SP3: variants seen among roughly 807,000 people sequenced by gnomAD.
SP3 encodes Sp3 transcription factor, also known as transcription factor Sp3.
In SP3, 10 loss-of-function variants were observed where a neutral mutation model predicts 70.3. The observed-to-expected ratio is 0.14, with a 90% CI of 0.09 to 0.24. The LOEUF (loss-of-function observed/expected upper bound fraction) is 0.24. Among genes scored for constraint, SP3 ranks in the 10% least tolerant of loss-of-function variants. The probability of loss-of-function intolerance (pLI) is 1.00; values close to 1 mark genes in which losing one functional copy is unlikely to be tolerated. For synonymous variants in SP3, 402 were observed against 333.5 expected, an observed-to-expected ratio of 1.21 and a Z score of -2.24; for missense variants, 825 against 914.6, an observed-to-expected ratio of 0.90 and a Z score of 1.26.
In SP3 at chr2:173,955,692, G is replaced by C. The variant is rs1345329269; in HGVS notation, c.820C>G (p.Leu274Val). Residue 274 changes from leucine to valine, a missense_variant, in exon 4 of 7, where the codon CTA (leucine) becomes GTA (valine). Around this residue, in one of 4 missense-constraint regions of SP3, gnomAD observed 678 missense variants for 651.6 expected, o/e 1.04. Transcript: ENST00000310015. ...CTGCCCGAGAGTCCCAAAGAATCTA[G>C]ATCGACACTATTGATTGGTACAAAC... ...ITFVPINSVD[L>V]DSLGLSGSSQ... The C allele has an allele frequency of 6.2e-7, 1 of 1,614,182 alleles. No individual in the cohort carries two copies. Among genetic ancestry groups the C allele is most frequent in the Non-Finnish European group, 8.5e-7 (1 of 1,180,022 alleles).
rs117185331 is a variant in SP3, at chr2:173,905,561, G to A, written c.*4380C>T. ...TAACATCAAAAACTGTATCTTAAAC[G>A]TATTTAATACAATGAAGTGGCATGA... On this transcript the variant is annotated 3_prime_UTR_variant, in exon 7 of 7. Transcript: ENST00000310015. Among the ~76,000 whole-genome samples the A allele has an allele frequency of 6.6e-3, 998 of 152,008 alleles. 17 individuals are homozygous for A. The highest frequency in any genetic ancestry group is 0.038 in the East Asian group (195 of 5,182).
In SP3 at chr2:173,955,178, G is replaced by C; in HGVS notation, c.1334C>G (p.Pro445Arg). ...CTGTGCCTGAATTAAAAAGGTTCCAGGATTCAGCTGCAACTGAAGATTTTG... is the reference window on the plus strand; with the variant it reads ...CTGTGCCTGAATTAAAAAGGTTCCACGATTCAGCTGCAACTGAAGATTTTG... Reference protein sequence around the residue: ...ALQNLQLQLNPGTFLIQAQTV... With the variant: ...ALQNLQLQLNRGTFLIQAQTV... Residue 445 changes from proline (P) to arginine (R), a missense_variant, in exon 4 of 7, where the codon CCT becomes CGT. This residue lies in a region of SP3 where 678 missense variants were observed against 651.6 expected (regional missense o/e 1.04). Coordinates refer to ENST00000310015, the MANE Select transcript of SP3 (RefSeq NM_003111.5). The C allele has an allele frequency of 6.2e-7, 1 of 1,614,168 alleles. No individual in the cohort carries two copies. The highest frequency in any genetic ancestry group is 8.5e-7 in the Non-Finnish European group (1 of 1,180,034).
intron 4 of SP3, among the ~76,000 whole-genome samples, chr2:173,932,487 G>A (rs377644364): frequency 4.5e-4 from 69 of 152,124 alleles, no homozygotes; most frequent in African/African-American, 1.5e-3. Flanking sequence ...CACCGTGCCT[G>A]GAACTGGCCT....
At chr2:173,933,638 T>TATATATATATATATA (rs71405167) in intron 4 of SP3, among the ~76,000 whole-genome samples, 8 of 86,556 alleles carry the variant, frequency 9.2e-5, no homozygotes, top group African/African-American at 3.3e-4. Flanking sequence ...TTATAAAACT[T>TATATATATATATATA]TATATATATA....
At chr2:173,934,237 A>G (rs1383836770) in intron 4 of SP3, among the ~76,000 whole-genome samples, 2 of 140,994 alleles carry the variant, frequency 1.4e-5, no homozygotes, top group Non-Finnish European at 3.1e-5. Context: ...ACTTGTCTCT[A>G]AAAAAAAAAA....
At chr2:173,946,818 C>T (rs1457323771) in intron 4 of SP3, among the ~76,000 whole-genome samples, 1 of 150,888 alleles carries the variant, frequency 6.6e-6, no homozygotes, top group Non-Finnish European at 1.5e-5. Context: ...ACCTGCCAGG[C>T]TCAAGCAATC....
At chr2:173,958,245 A>G (rs1185881929) in intron 3 of SP3, among the ~76,000 whole-genome samples, 1 of 151,200 alleles carries the variant, frequency 6.6e-6, no homozygotes, top group Non-Finnish European at 1.5e-5. Context: ...AAAAAAAACA[A>G]AGTCAAATTT....
intron 4 of SP3, among the ~76,000 whole-genome samples, chr2:173,926,820 T>C (rs113452348): frequency 0.01 from 1,581 of 152,274 alleles, 30 homozygotes; most frequent in African/African-American, 0.036. Flanking sequence ...CTAAAAAAAA[T>C]AGCCATGACA....
intron 3 of SP3, among the ~76,000 whole-genome samples, chr2:173,961,734 T>C (rs1212110546): frequency 1.3e-5 from 2 of 152,182 alleles, no homozygotes; most frequent in Non-Finnish European, 1.5e-5. Flanking sequence ...TAAAAGATTA[T>C]CTAAGCCCAT....
Position 173,902,227 on chromosome 2 carries a change from A to T in SP3, c.*7714T>A, listed in dbSNP as rs1689202220. Among the ~76,000 whole-genome samples, 1 of 152,172 alleles carries T rather than the reference A, an allele frequency of 6.6e-6. No homozygotes were observed. Among genetic ancestry groups the T allele is most frequent in the Non-Finnish European group, 1.5e-5 (1 of 68,024 alleles). Reference sequence around the variant, plus strand: ...TTTTCAGGTCCCTTTTAAATTTCTTACTTATACTTGCTTTTCTTCCAGATG... The same window carrying T: ...TTTTCAGGTCCCTTTTAAATTTCTTTCTTATACTTGCTTTTCTTCCAGATG... On this transcript the variant is annotated 3_prime_UTR_variant, in exon 7 of 7. Transcript: ENST00000310015.
At position 173,965,294 on chromosome 2, in the gene SP3, T is replaced by G. The variant is rs76624090; in HGVS notation, c.-123A>C. 1.8e-6 allele frequency: 2 copies of G among 1,133,532 alleles called. No individual in the cohort carries two copies. Among genetic ancestry groups the G allele is most frequent in the Non-Finnish European group, 2.5e-6 (2 of 789,846 alleles). 70.2% of individuals were successfully genotyped at this position (1,133,532 alleles called of 1,614,324 possible). A position where few individuals can be genotyped will look rare whatever the true frequency, so the allele number is the denominator to read the frequency against. On this transcript the variant is annotated 5_prime_UTR_variant, in exon 1 of 7. Transcript: ENST00000310015. Reference sequence around the variant, plus strand: ...GGACACGGCCGGAGCGGTCCGGGGATTTTTTTTTCCTATTTTGATTGACTG... The same window carrying G: ...GGACACGGCCGGAGCGGTCCGGGGAGTTTTTTTTCCTATTTTGATTGACTG...
intron 4 of SP3, among the ~76,000 whole-genome samples, chr2:173,935,750 C>G (rs891809255): frequency 1.3e-5 from 2 of 152,144 alleles, no homozygotes; most frequent in Non-Finnish European, 2.9e-5. Flanking sequence ...TCTCTACTAG[C>G]AACAATTATT....
At chr2:173,929,508 CACACTGACAGAATAT>C (rs1439889667) in intron 4 of SP3, among the ~76,000 whole-genome samples, 20 of 152,290 alleles carry the variant, frequency 1.3e-4, no homozygotes, top group South Asian at 1.2e-3. Flanking sequence ...ACACACAATA[CACACTGACAGAATAT>C]AAAAAATGCT....
At chr2:173,933,145 T>A (rs990545530) in intron 4 of SP3, among the ~76,000 whole-genome samples, 4 of 152,156 alleles carry the variant, frequency 2.6e-5, no homozygotes, top group Admixed American at 2.0e-4. Flanking sequence ...CATTTTTTTT[T>A]AAGTAGTATC....
chr2:173,963,862 C>A lies in SP3; in HGVS notation c.178G>T (p.Ala60Ser), dbSNP rs767775725. 2.0e-6 allele frequency: 3 copies of A among 1,507,108 alleles called. No individual in the cohort carries two copies. In the African/African-American group the frequency reaches 4.3e-5, roughly 22 times the overall value. 93.4% of individuals were successfully genotyped at this position (1,507,108 alleles called of 1,614,324 possible). ...AAQDTQPSPL[A>S]LLAATCSKIG... ...TTGCTGCAGGTAGCGGCCAGCAGAG[C>A]GAGCGGTGACGGCTGAGTGTCCTAC... Residue 60 changes from alanine (A) to serine (S), a missense_variant, in exon 3 of 7, where the codon GCT (alanine) becomes TCT (serine). Around this residue, in one of 4 missense-constraint regions of SP3, gnomAD observed 678 missense variants for 651.6 expected, o/e 1.04. Transcript: ENST00000310015.
chr2:173,932,024 C>T (rs1357355841), intron 4 of SP3, among the ~76,000 whole-genome samples: 2 of 152,202 alleles, frequency 1.3e-5, no homozygotes, highest in East Asian at 1.9e-4. Context: ...GCATTCACAA[C>T]GTGGCTGTGT....
At chr2:173,949,995 C>T (rs34435208) in intron 4 of SP3, among the ~76,000 whole-genome samples, 4 of 152,082 alleles carry the variant, frequency 2.6e-5, no homozygotes, top group Non-Finnish European at 5.9e-5. Flanking sequence ...ACTTTGCCTC[C>T]TCTTACCCAG....
intron 3 of SP3, among the ~76,000 whole-genome samples, chr2:173,962,539 G>C (rs7590818): frequency 0.67 from 101,907 of 152,022 alleles, 34,666 homozygotes; most frequent in African/African-American, 0.78. Context: ...ATTTTTACAT[G>C]TTAATCTGCT....
intron 3 of SP3, among the ~76,000 whole-genome samples, chr2:173,959,383 T>TA (rs1341901677): frequency 6.6e-6 from 1 of 151,012 alleles, no homozygotes; most frequent in Non-Finnish European, 1.5e-5. Flanking sequence ...TGTTTGATGT[T>TA]AGACTACTGG....
Sources: allele counts gnomAD v4.1 joint callset (sites outside exome capture counted in the v4.1 genomes callset), GRCh38; gene constraint gnomAD v4.1.1; regional missense constraint gnomAD v4.1.1; transcripts MANE v1.5; gene names NCBI Gene and HGNC (gene_info 2026-07-23, HGNC 2026-07-21).